The following OSBPL8 variants were observed in gnomAD, a reference collection of about 807,000 sequenced individuals.
OSBPL8 encodes the protein oxysterol-binding protein-related protein 8.
A neutral mutation model predicts 125.5 loss-of-function variants in OSBPL8; 59 were observed. The ratio of observed to expected loss-of-function variants is 0.47; its 90% CI spans 0.38 to 0.58. The LOEUF is 0.58. Among genes scored for constraint, OSBPL8 ranks in the 20% least tolerant of loss-of-function variants. OSBPL8 has a pLI of 0.00. For missense variants in OSBPL8, 758 were observed against 1,047.8 expected (o/e 0.72, Z 3.82); for synonymous variants, 330 against 338.9 (o/e 0.97, Z 0.29).
intron 1 of OSBPL8, among the ~76,000 whole-genome samples, chr12:76,516,419 T>C (rs976383327): frequency 2.6e-5 from 4 of 152,228 alleles, no homozygotes; most frequent in African/African-American, 9.6e-5. Context: ...TCTGATGCTC[T>C]TTGTGCTTCC....
At chr12:76,512,191 T>G (rs937263428) in intron 1 of OSBPL8, among the ~76,000 whole-genome samples, 2 of 152,224 alleles carry the variant, frequency 1.3e-5, no homozygotes, top group African/African-American at 4.8e-5. Flanking sequence ...GTTCTTATCC[T>G]TTAACTCCCA....
chr12:76,515,423 G>T (rs1881433294), intron 1 of OSBPL8, among the ~76,000 whole-genome samples: 1 of 152,228 alleles, frequency 6.6e-6, no homozygotes, highest in East Asian at 1.9e-4. Context: ...GTATGTTAGA[G>T]AGGTATTTTT....
chr12:76,388,962 G>A (rs534131957), intron 12 of OSBPL8, among the ~76,000 whole-genome samples: 30 of 152,004 alleles, frequency 2.0e-4, no homozygotes, highest in African/African-American at 7.3e-4. Context: ...GGCACAGAAA[G>A]CACAGTGCCT....
At chr12:76,485,528 C>T (rs760504702) in intron 2 of OSBPL8, among the ~76,000 whole-genome samples, 6 of 152,124 alleles carry the variant, frequency 3.9e-5, no homozygotes, top group Non-Finnish European at 8.8e-5. Context: ...GCAGAGATCA[C>T]GCCACCGCAC....
intron 1 of OSBPL8, among the ~76,000 whole-genome samples, chr12:76,516,020 A>G (rs944616380): frequency 4.6e-5 from 7 of 152,244 alleles, no homozygotes; most frequent in African/African-American, 1.7e-4. Context: ...ATGAAATACT[A>G]TAAGAACTGA....
intron 5 of OSBPL8, among the ~76,000 whole-genome samples, chr12:76,403,288 T>G (rs1224659809): frequency 2.6e-5 from 4 of 152,226 alleles, no homozygotes. Context: ...ATCTACTACT[T>G]CCTACCTATC....
chr12:76,495,325 A>G (rs1229701647), intron 1 of OSBPL8, among the ~76,000 whole-genome samples: 1 of 152,248 alleles, frequency 6.6e-6, no homozygotes, highest in East Asian at 1.9e-4. Flanking sequence ...TCAGTAAACA[A>G]TATAATAGCG....
chr12:76,480,418 T>C (rs922819869), intron 2 of OSBPL8, among the ~76,000 whole-genome samples: 1 of 152,124 alleles, frequency 6.6e-6, no homozygotes, highest in African/African-American at 2.4e-5. Context: ...TCCAAGTTGA[T>C]AATTGTTGAA....
chr12:76,521,308 T>C (rs778105236), intron 1 of OSBPL8, among the ~76,000 whole-genome samples: 8 of 152,232 alleles, frequency 5.3e-5, no homozygotes, highest in Admixed American at 2.0e-4. Flanking sequence ...TAAAAAGTGA[T>C]GTATGCTACG....
At chr12:76,466,892 G>C (rs1354504368) in intron 2 of OSBPL8, among the ~76,000 whole-genome samples, 1 of 151,958 alleles carries the variant, frequency 6.6e-6, no homozygotes, top group Non-Finnish European at 1.5e-5. Flanking sequence ...CCCGGGGGCG[G>C]GGGCGGAGGC....
intron 1 of OSBPL8, among the ~76,000 whole-genome samples, chr12:76,546,886 A>T (rs897994386): frequency 6.7e-5 from 10 of 150,086 alleles, no homozygotes; most frequent in Non-Finnish European, 1.2e-4. Context: ...GAGCAAATTT[A>T]AAAAAAATGT....
chr12:76,455,975 G>C (rs1376559016), intron 3 of OSBPL8, among the ~76,000 whole-genome samples: 3 of 152,150 alleles, frequency 2.0e-5, no homozygotes, highest in African/African-American at 7.2e-5. Flanking sequence ...AAAGCAACCT[G>C]CTTTGCTACT....
chr12:76,461,410 A>G (rs1216880352), intron 2 of OSBPL8, among the ~76,000 whole-genome samples: 1 of 152,068 alleles, frequency 6.6e-6, no homozygotes, highest in Non-Finnish European at 1.5e-5. Context: ...CACTAAGTGA[A>G]CTTGGAAGCA....
intron 4 of OSBPL8, among the ~76,000 whole-genome samples, chr12:76,444,619 T>A (rs992251744): frequency 6.6e-6 from 1 of 152,142 alleles, no homozygotes; most frequent in Non-Finnish European, 1.5e-5. Flanking sequence ...AAATCAGACA[T>A]ACTAAGAACC....
At chr12:76,546,104 C>T (rs1226257839) in intron 1 of OSBPL8, among the ~76,000 whole-genome samples, 2 of 152,078 alleles carry the variant, frequency 1.3e-5, no homozygotes, top group Non-Finnish European at 1.5e-5. Context: ...CTTCTATGCA[C>T]GGATTTTGTG....
At chr12:76,357,895 C>T (rs569856804) in intron 22 of OSBPL8, among the ~76,000 whole-genome samples, 1 of 151,752 alleles carries the variant, frequency 6.6e-6, no homozygotes, top group Non-Finnish European at 1.5e-5. Flanking sequence ...CACTTTAATC[C>T]TTTCATGATT....
intron 2 of OSBPL8, among the ~76,000 whole-genome samples, chr12:76,467,514 G>A (rs1460972026): frequency 6.6e-6 from 1 of 152,184 alleles, no homozygotes; most frequent in Non-Finnish European, 1.5e-5. Context: ...CTTTCTCTCA[G>A]AAACCAGCTT....
At chr12:76,501,158 G>A (rs578145071) in intron 1 of OSBPL8, among the ~76,000 whole-genome samples, 2 of 152,166 alleles carry the variant, frequency 1.3e-5, no homozygotes, top group South Asian at 2.1e-4. Flanking sequence ...ACCTTTGGGT[G>A]CTTTATTCAT....
At chr12:76,400,665 C>A (rs1954014884) in intron 6 of OSBPL8, among the ~76,000 whole-genome samples, 1 of 151,324 alleles carries the variant, frequency 6.6e-6, no homozygotes, top group African/African-American at 2.4e-5. Flanking sequence ...CTGTAGAATT[C>A]CAGAATCTTA....
Sources: gnomAD v4.1 joint callset for allele counts (sites outside exome capture counted in the v4.1 genomes callset) on GRCh38, gnomAD v4.1.1 for gene constraint, MANE v1.5 for transcripts, NCBI Gene and HGNC (gene_info 2026-07-23, HGNC 2026-07-21) for gene names.